YWHAZ: variants seen among roughly 807,000 people sequenced by gnomAD.
YWHAZ encodes 14-3-3 protein zeta/delta.
For synonymous variants in YWHAZ, 87 were observed against 103.6 expected (o/e 0.84, Z 0.97); for missense variants, 79 against 284.8 (o/e 0.28, Z 5.20).
At position 100,918,439 on chromosome 8, in the gene YWHAZ, T is replaced by TATATAA. The variant is rs1812810293; in HGVS notation, c.*2248_*2253dup. 1 of 115,604 alleles carries TATATAA rather than the reference T, an allele frequency of 8.7e-6. No homozygotes were observed. The highest frequency in any genetic ancestry group is 3.3e-5 in the African/African-American group (1 of 30,652). 7.2% of individuals were successfully genotyped at this position (115,604 alleles called of 1,614,324 possible). On this transcript the variant is annotated 3_prime_UTR_variant, in exon 6 of 6. Transcript: ENST00000395958. ...ATATATATATATATATATATATATATATATAATTATTTTACCTCCTTGGCT... is the reference window on the plus strand; with the variant it reads ...ATATATATATATATATATATATATATATATAAATATAATTATTTTACCTCCTTGGCT...
At chr8:100,953,366 C>T, upstream of YWHAZ, 1 of 985,574 alleles carries the variant, frequency 1.0e-6, no homozygotes, top group Non-Finnish European at 1.2e-6. Context: ...TGAGCCGGGA[C>T]GGGAGCCCGG....
intron 2 of YWHAZ, among the ~76,000 whole-genome samples, chr8:100,938,766 A>C (rs940292789): frequency 1.8e-4 from 28 of 152,202 alleles, no homozygotes; most frequent in African/African-American, 6.8e-4. Context: ...TTGTGGCCGG[A>C]GTGGCTTCCA....
intron 2 of YWHAZ, among the ~76,000 whole-genome samples, chr8:100,933,501 T>C (rs1262968480): frequency 6.6e-6 from 1 of 152,196 alleles, no homozygotes; most frequent in Non-Finnish European, 1.5e-5. Context: ...AATATATATT[T>C]TTTTTGCCAA....
intron 2 of YWHAZ, among the ~76,000 whole-genome samples, chr8:100,933,256 G>A (rs1421908279): frequency 6.6e-6 from 1 of 152,020 alleles, no homozygotes; most frequent in Admixed American, 6.6e-5. Context: ...CTACTCGGGA[G>A]GCTGAGACAG....
chr8:100,939,450 A>G (rs1814454406), intron 2 of YWHAZ, among the ~76,000 whole-genome samples: 1 of 151,352 alleles, frequency 6.6e-6, no homozygotes, highest in Admixed American at 6.6e-5. Flanking sequence ...ATCTGAGGTC[A>G]GGAGTTCAAG....
At chr8:100,942,958 T>C (rs1399295703) in intron 2 of YWHAZ, among the ~76,000 whole-genome samples, 1 of 152,222 alleles carries the variant, frequency 6.6e-6, no homozygotes, top group East Asian at 1.9e-4. Flanking sequence ...CATTTTCCTA[T>C]TTGGCAATGT....
At chr8:100,929,147 C>T (rs919387735) in intron 2 of YWHAZ, among the ~76,000 whole-genome samples, 3 of 150,400 alleles carry the variant, frequency 2.0e-5, no homozygotes, top group Non-Finnish European at 4.4e-5. Flanking sequence ...TACATGCATA[C>T]AATATATAAT....
intron 2 of YWHAZ, among the ~76,000 whole-genome samples, chr8:100,944,639 C>T (rs1474412381): frequency 6.6e-6 from 1 of 152,200 alleles, no homozygotes; most frequent in East Asian, 1.9e-4. Flanking sequence ...TTAAAGGCTT[C>T]TTCAATCTTC....
At chr8:100,946,543 C>A (rs1810285316) in intron 2 of YWHAZ, among the ~76,000 whole-genome samples, 2 of 152,152 alleles carry the variant, frequency 1.3e-5, no homozygotes, top group Non-Finnish European at 1.5e-5. Context: ...AAGAGCAAAA[C>A]TCAGTCTCAA....
At chr8:100,923,910 C>A in intron 5 of YWHAZ, 45 bp downstream of exon 5, 1 of 1,501,288 alleles carries the variant, frequency 6.7e-7, no homozygotes, top group Non-Finnish European at 9.0e-7. Flanking sequence ...TAAAACATAA[C>A]CTCTTCAACC....
At chr8:100,937,923 G>A (rs1814278573) in intron 2 of YWHAZ, among the ~76,000 whole-genome samples, 1 of 152,222 alleles carries the variant, frequency 6.6e-6, no homozygotes, top group Non-Finnish European at 1.5e-5. Flanking sequence ...CTGAGGTCAG[G>A]AGTTCGAGAC....
Position 100,920,659 on chromosome 8 carries a change from T to C in YWHAZ, c.*34A>G. On this transcript the variant is annotated 3_prime_UTR_variant, in exon 6 of 6. Transcript: ENST00000395958. ...ATGACAAATGGTCTACTGTGTAAAT[T>C]TTAGAATGAGGCAGACAAAAGTTGG... 1 of 1,571,094 alleles carries C rather than the reference T, an allele frequency of 6.4e-7. No individual in the cohort carries two copies. Among genetic ancestry groups the C allele is most frequent in the Middle Eastern group, 2.0e-4 (1 of 5,018 alleles).
intron 2 of YWHAZ, among the ~76,000 whole-genome samples, chr8:100,931,862 G>C (rs1431536168): frequency 6.6e-6 from 1 of 152,148 alleles, no homozygotes; most frequent in Non-Finnish European, 1.5e-5. Context: ...GAAAAATGGT[G>C]AAGTAGGATG....
Position 100,918,432 on chromosome 8 carries a change from ATATATATAT to A in YWHAZ, c.*2252_*2260del. ...TTTATATATATATATATATATATAT[ATATATATAT>A]ATAATTATTTTACCTCCTTGGCTTG... On this transcript the variant is annotated 3_prime_UTR_variant, in exon 6 of 6. Coordinates refer to ENST00000395958, the MANE Select transcript of YWHAZ (RefSeq NM_145690.3). 2.1e-5 allele frequency: 2 copies of A among 97,384 alleles called. No individual in the cohort carries two copies. Among genetic ancestry groups the A allele is most frequent in the Non-Finnish European group, 4.3e-5 (2 of 46,412 alleles). The allele number at this position is 97,384 out of a possible 1,614,324, so 6.0% of individuals were successfully genotyped here.
At chr8:100,923,748 G>T (rs1041343910) in intron 5 of YWHAZ, 1 of 436,064 alleles carries the variant, frequency 2.3e-6, no homozygotes, top group African/African-American at 2.0e-5. Flanking sequence ...ATCAATGTGT[G>T]TATTTTTTAG....
intron 2 of YWHAZ, among the ~76,000 whole-genome samples, chr8:100,925,635 G>A (rs1441740988): frequency 2.0e-5 from 3 of 152,194 alleles, no homozygotes; most frequent in Admixed American, 2.0e-4. Context: ...AGATTTTAAA[G>A]AGCAGACCTT....
chr8:100,952,948 C>T (rs1238673381), upstream of YWHAZ: 2 of 1,000,466 alleles, frequency 2.0e-6, no homozygotes, highest in African/African-American at 3.5e-5. Flanking sequence ...GGAGGCGTTC[C>T]AATCGAGAGC....
chr8:100,937,320 C>A (rs1814221045), intron 2 of YWHAZ, among the ~76,000 whole-genome samples: 1 of 150,302 alleles, frequency 6.7e-6, no homozygotes, highest in African/African-American at 2.5e-5. Context: ...GTGGCTGATA[C>A]TACTTTTGTA....
chr8:100,950,709 G>T (rs1317686526), intron 1 of YWHAZ: 21 of 563,146 alleles, frequency 3.7e-5, no homozygotes, highest in Non-Finnish European at 4.5e-5. Flanking sequence ...GGGCAGAGAC[G>T]CCACAGCAGC....
Sources: allele counts gnomAD v4.1 joint callset (sites outside exome capture counted in the v4.1 genomes callset), GRCh38; gene constraint gnomAD v4.1.1; transcripts MANE v1.5; gene names NCBI Gene and HGNC (gene_info 2026-07-23, HGNC 2026-07-21).